The following EP300 variants were observed in gnomAD, a reference collection of about 807,000 sequenced individuals.
EP300 encodes the protein EP300 lysine acetyltransferase.
A neutral mutation model predicts 264.0 loss-of-function variants in EP300; 31 were observed. The observed-to-expected ratio is 0.12, with a 90% CI of 0.09 to 0.16. The LOEUF (loss-of-function observed/expected upper bound fraction) is 0.16. Among genes scored for constraint, EP300 ranks in the 10% least tolerant of loss-of-function variants. The pLI is 1.00. For missense variants in EP300, 2,766 were observed against 3,052.9 expected (o/e 0.91, Z 2.21); for synonymous variants, 1,340 against 1,045.4 (o/e 1.28, Z -5.44).
At chr22:41,115,836 G>T (rs1283089218) in intron 1 of EP300, among the ~76,000 whole-genome samples, 1 of 152,176 alleles carries the variant, frequency 6.6e-6, no homozygotes, top group African/African-American at 2.4e-5. Context: ...CAAAAACTCC[G>T]CCTGTTAAAG....
chr22:41,171,676 C>T (rs1220462465), intron 27 of EP300, among the ~76,000 whole-genome samples: 4 of 149,720 alleles, frequency 2.7e-5, no homozygotes, highest in African/African-American at 9.9e-5. Flanking sequence ...GACGGAGTTT[C>T]AGGCTGGAGT....
In EP300 at chr22:41,155,041, G is replaced by A. The variant is rs2145744746; in HGVS notation, c.3189G>A (p.Glu1063=). ...ELRQALMPTL[E]ALYRQDPESL... is the part of the protein sequence containing the mutation. ...GACAGGCACTGATGCCAACTTTGGA[G>A]GCACTTTACCGTCAGGATCCAGAAT... The change falls in exon 17 of 31, where the codon GAG becomes GAA. Residue 1063 remains glutamate, a synonymous_variant. Coordinates refer to ENST00000263253, the MANE Select transcript of EP300 (RefSeq NM_001429.4). 1.9e-6 allele frequency: 3 copies of A among 1,614,052 alleles called. No individual in the cohort carries two copies. The highest frequency in any genetic ancestry group is 1.1e-5 in the South Asian group (1 of 91,078).
chr22:41,142,671 G>A (rs1431212922), intron 10 of EP300, among the ~76,000 whole-genome samples: 3 of 152,108 alleles, frequency 2.0e-5, no homozygotes, highest in Non-Finnish European at 2.9e-5. Flanking sequence ...AGATCATGAC[G>A]TCAGGAGATG....
rs1335272236 is a variant in EP300 at position 41,127,758 on chromosome 22, C to T, written c.1168+10C>T. On this transcript the variant is annotated intron_variant, in intron 4 of 30. Coordinates refer to ENST00000263253, the MANE Select transcript of EP300 (RefSeq NM_001429.4). ...GGCAAGTCTTGCCAAGGTAAGTGGA[C>T]CCACAGGGTTACTGTACTTAGCAAT... 9 of 1,613,930 alleles carry T rather than the reference C, an allele frequency of 5.6e-6. No individual in the cohort carries two copies. The highest frequency in any genetic ancestry group is 2.2e-5 in the South Asian group (2 of 91,066).
intron 26 of EP300, 44 bp from the exon 27 acceptor site, chr22:41,170,362 A>C (rs2059162458): frequency 6.3e-7 from 1 of 1,578,442 alleles, no homozygotes; most frequent in East Asian, 2.2e-5. Flanking sequence ...CTTCTAGAAT[A>C]GATTATCTCT....
intron 3 of EP300, 45 bp from the exon 4 acceptor site, chr22:41,127,442 G>T: frequency 6.2e-7 from 1 of 1,609,678 alleles, no homozygotes; most frequent in African/African-American, 1.3e-5. Flanking sequence ...TTAAGAAATA[G>T]CACATTATGA....
At chr22:41,124,390 G>A (rs1156908184) in intron 2 of EP300, among the ~76,000 whole-genome samples, 1 of 152,156 alleles carries the variant, frequency 6.6e-6, no homozygotes, top group African/African-American at 2.4e-5. Context: ...CTATGTAAAG[G>A]AGTCAGAATC....
chr22:41,113,739 G>C (rs917764313), intron 1 of EP300, among the ~76,000 whole-genome samples: 3 of 152,088 alleles, frequency 2.0e-5, no homozygotes, highest in African/African-American at 7.2e-5. Context: ...GTAGAGATGG[G>C]GTTTCACCGT....
rs2058709923 is a variant in EP300 at position 41,097,762 on chromosome 22, T to G, written c.94+4664T>G. Among the ~76,000 whole-genome samples the G allele has an allele frequency of 1.3e-5, 2 of 152,128 alleles. 1 individual carries two copies. On this transcript the variant is annotated intron_variant, in intron 1 of 30. Coordinates refer to ENST00000263253, the MANE Select transcript of EP300 (RefSeq NM_001429.4). Reference sequence around the variant, plus strand: ...GCAAGCAGTAAAATTAATGGGCAAATGAAACCAATTATACCAAGTCTAAAA... The same window carrying G: ...GCAAGCAGTAAAATTAATGGGCAAAGGAAACCAATTATACCAAGTCTAAAA...
rs145037345 is a variant in EP300 at position 41,149,949 on chromosome 22, A to G, written c.2568A>G (p.Ala856=). Residue 856 remains alanine, a synonymous_variant, in exon 14 of 31, where the codon GCA becomes GCG. Coordinates refer to ENST00000263253, the MANE Select transcript of EP300 (RefSeq NM_001429.4). The part of the protein sequence containing the change: ...PPSIGAQQPP[A]TTIPAPVPTP... The stretch of plus-strand genomic sequence containing the variant: ...GCATAGGGGCTCAGCAGCCACCAGC[A>G]ACAACAATTCCAGCCCCTGTTCCTA... 9.5e-5 allele frequency: 153 copies of G among 1,613,246 alleles called. No homozygotes were observed. In the African/African-American group the frequency reaches 1.7e-3, roughly 18 times the overall value.
chr22:41,175,719 T>G (rs1468492695), intron 29 of EP300, among the ~76,000 whole-genome samples: 1 of 152,238 alleles, frequency 6.6e-6, no homozygotes, highest in Non-Finnish European at 1.5e-5. Context: ...TAAAGTAGAC[T>G]GCCTTGAGGC....
chr22:41,136,352 C>G (rs1292483217), intron 7 of EP300, among the ~76,000 whole-genome samples: 3 of 152,158 alleles, frequency 2.0e-5, no homozygotes, highest in African/African-American at 7.2e-5. Flanking sequence ...CAGCCTTAAT[C>G]GAAATTGTAT....
Position 41,137,759 on chromosome 22 carries a change from C to A in EP300, c.1729C>A (p.Gln577Lys), listed in dbSNP as rs1228601501. 1 of 1,614,220 alleles carries A rather than the reference C, an allele frequency of 6.2e-7. No homozygotes were observed. The highest frequency in any genetic ancestry group is 8.5e-7 in the Non-Finnish European group (1 of 1,180,050). The change falls in exon 8 of 31, where the codon CAG becomes AAG. Residue 577 changes from glutamine to lysine, a missense_variant. Coordinates refer to ENST00000263253, the MANE Select transcript of EP300 (RefSeq NM_001429.4). ...GAAACAGTGGCACGAAGATATTACT[C>A]AGGATCTTCGAAATCATCTTGTTCA... ...IRKQWHEDIT[Q>K]DLRNHLVHKL... is the part of the protein sequence containing the mutation.
intron 1 of EP300, among the ~76,000 whole-genome samples, chr22:41,100,033 G>A (rs1288929746): frequency 1.3e-5 from 2 of 152,240 alleles, no homozygotes; most frequent in East Asian, 1.9e-4. Flanking sequence ...CCTGGGCAAT[G>A]TAGTGGGACC....
intron 16 of EP300, 35 bp downstream of exon 16, chr22:41,152,385 T>C: frequency 6.3e-7 from 1 of 1,595,470 alleles, no homozygotes. Flanking sequence ...TGGAGGTAGC[T>C]GAAGAAACCA....
intron 6 of EP300, among the ~76,000 whole-genome samples, chr22:41,135,412 A>G (rs2058944909): frequency 6.6e-6 from 1 of 152,072 alleles, no homozygotes; most frequent in African/African-American, 2.4e-5. Context: ...AATTATTTGA[A>G]TGATAATTTT....
chr22:41,147,443 C>T (rs1019731023), intron 11 of EP300, among the ~76,000 whole-genome samples: 1 of 151,666 alleles, frequency 6.6e-6, no homozygotes, highest in African/African-American at 2.4e-5. Context: ...TTTATTAGTC[C>T]TGATAGAATC....
In EP300 at chr22:41,129,949, G is replaced by T; in HGVS notation, c.1228G>T (p.Asp410Tyr). The change falls in exon 5 of 31, where the codon GAT becomes TAT. Residue 410 changes from aspartate (D) to tyrosine (Y), a missense_variant. Asp to Tyr is a radical substitution (Grantham distance 160). Transcript: ENST00000263253. The part of the protein sequence containing the change: ...ISHWKNCTRH[D>Y]CPVCLPLKNA... ...ACACTGGAAGAATTGTACAAGACAT[G>T]ATTGTCCTGTGTGTCTCCCCCTCAA... 1.2e-6 allele frequency: 2 copies of T among 1,614,014 alleles called. No homozygotes were observed. Among genetic ancestry groups the T allele is most frequent in the Non-Finnish European group, 1.7e-6 (2 of 1,179,976 alleles).
intron 1 of EP300, among the ~76,000 whole-genome samples, chr22:41,111,845 C>G (rs1442324017): frequency 9.3e-6 from 1 of 107,716 alleles, no homozygotes; most frequent in Non-Finnish European, 2.0e-5. Context: ...GGACTTTTTT[C>G]TCTTTTTTTT....
Sources: gnomAD v4.1 joint callset for allele counts (sites outside exome capture counted in the v4.1 genomes callset) on GRCh38, gnomAD v4.1.1 for gene constraint, MANE v1.5 for transcripts, NCBI Gene and HGNC (gene_info 2026-07-23, HGNC 2026-07-21) for gene names.